PSD3: variants seen among roughly 807,000 people sequenced by gnomAD.
PSD3 encodes the protein pleckstrin and Sec7 domain containing 3, also known as PH and SEC7 domain-containing protein 3.
Under a neutral mutation model 105.5 loss-of-function variants are expected in PSD3, and 49 were observed. The observed-to-expected ratio is 0.46, with a 90% confidence interval of 0.37 to 0.59. The LOEUF (loss-of-function observed/expected upper bound fraction) is 0.59. Among genes scored for constraint, PSD3 ranks in the 20% least tolerant of loss-of-function variants. The pLI is 0.00. For missense variants in PSD3, 1,561 were observed against 1,263.8 expected (o/e 1.24, Z -3.57); for synonymous variants, 557 against 457.8 (o/e 1.22, Z -2.77).
chr8:18,880,818 C>A (rs1376847810), intron 2 of PSD3, among the ~76,000 whole-genome samples: 1 of 152,146 alleles, frequency 6.6e-6, no homozygotes, highest in South Asian at 2.1e-4. Flanking sequence ...GTATGTGTGA[C>A]AAAGGGACTC....
intron 8 of PSD3, among the ~76,000 whole-genome samples, chr8:18,798,403 T>C (rs1029282030): frequency 1.3e-5 from 2 of 152,148 alleles, no homozygotes; most frequent in Non-Finnish European, 2.9e-5. Flanking sequence ...CCTTTCTCCC[T>C]GAACCCCTTC....
At chr8:18,755,476 A>G (rs924783563) in intron 9 of PSD3, among the ~76,000 whole-genome samples, 1 of 151,634 alleles carries the variant, frequency 6.6e-6, no homozygotes, top group African/African-American at 2.4e-5. Context: ...ACATAACATA[A>G]CATAACATAA....
intron 2 of PSD3, among the ~76,000 whole-genome samples, chr8:18,927,237 A>T (rs1012079549): frequency 1.4e-4 from 22 of 152,228 alleles, no homozygotes; most frequent in African/African-American, 5.3e-4. Flanking sequence ...TTTCTGAGAC[A>T]GAGTGTCACT....
At chr8:18,768,185 C>T (rs1169808973) in intron 8 of PSD3, among the ~76,000 whole-genome samples, 3 of 149,900 alleles carry the variant, frequency 2.0e-5, no homozygotes, top group African/African-American at 7.3e-5. Context: ...ACTCAGGGGG[C>T]TGAGGCAGAA....
At chr8:18,574,246 C>T (rs1456836776) in intron 13 of PSD3, among the ~76,000 whole-genome samples, 1 of 152,170 alleles carries the variant, frequency 6.6e-6, no homozygotes, top group African/African-American at 2.4e-5. Flanking sequence ...TAAATGTCAG[C>T]TCCTCACGGC....
At chr8:18,967,164 T>A (rs7829086) in intron 1 of PSD3, among the ~76,000 whole-genome samples, 30,300 of 150,540 alleles carry the variant, frequency 0.2, 3,592 homozygotes, top group Non-Finnish European at 0.27. Flanking sequence ...TTATTTATTT[T>A]TTTTTTTTGA....
chr8:18,575,329 G>T, intron 12 of PSD3, 44 bp from the exon 13 acceptor site: 1 of 1,468,870 alleles, frequency 6.8e-7, no homozygotes, highest in Non-Finnish European at 9.1e-7. Context: ...ATCACGATCA[G>T]ATTTCAACTT....
rs575148207 is a variant in PSD3 at position 18,630,751 on chromosome 8, C to T, written c.2410+1862G>A. ...GTTCTGCAACTGTGTATTCAACCAA[C>T]GGTGGATGGAAAATATTCCCTCTAA... On this transcript the variant is annotated intron_variant, in intron 11 of 15. Coordinates refer to ENST00000327040, the MANE Select transcript of PSD3 (RefSeq NM_015310.4). Among the ~76,000 whole-genome samples, 25 of 151,816 alleles carry T rather than the reference C, an allele frequency of 1.6e-4. No homozygotes were observed. In the South Asian group the frequency reaches 4.4e-3, roughly 26 times the overall value.
intron 8 of PSD3, among the ~76,000 whole-genome samples, chr8:18,769,385 AAT>A (rs1323648160): frequency 6.6e-6 from 1 of 152,202 alleles, no homozygotes; most frequent in South Asian, 2.1e-4. Context: ...AGTACACTAA[AAT>A]ATGAGTATAA....
At chr8:18,980,172 A>G (rs1402442528) in intron 1 of PSD3, among the ~76,000 whole-genome samples, 1 of 152,244 alleles carries the variant, frequency 6.6e-6, no homozygotes, top group East Asian at 1.9e-4. Context: ...GGCACGAGGT[A>G]TGTGAGTGAG....
At chr8:18,949,559 C>A (rs1246933408) in intron 1 of PSD3, among the ~76,000 whole-genome samples, 1 of 152,064 alleles carries the variant, frequency 6.6e-6, no homozygotes, top group East Asian at 1.9e-4. Flanking sequence ...TATCTCCAAG[C>A]AAATGATCAT....
rs557274297 is a variant in PSD3, at chr8:18,595,123, T to C, written c.2481+5241A>G. ...CAAAAGGATATAATTTGTGACGGAG[T>C]AAAAGTATAGTTTTGGCATATGACC... On this transcript the variant is annotated intron_variant, in intron 12 of 15. Coordinates refer to ENST00000327040, the MANE Select transcript of PSD3 (RefSeq NM_015310.4). 5.2e-4 allele frequency among the ~76,000 whole-genome samples: 79 copies of C among 151,646 alleles called. 1 individual carries two copies. The highest frequency in any genetic ancestry group is 9.1e-4 in the Non-Finnish European group (62 of 67,882).
At chr8:18,981,329 T>C (rs1005771775) in intron 1 of PSD3, among the ~76,000 whole-genome samples, 7 of 152,212 alleles carry the variant, frequency 4.6e-5, no homozygotes, top group African/African-American at 1.7e-4. Flanking sequence ...CACTCATTAT[T>C]GAAGCAGAAA....
chr8:18,996,642 G>A (rs1826092358), intron 1 of PSD3, among the ~76,000 whole-genome samples: 1 of 151,790 alleles, frequency 6.6e-6, no homozygotes, highest in South Asian at 2.1e-4. Context: ...TTTCCCATTG[G>A]TATTCGAACA....
intron 9 of PSD3, among the ~76,000 whole-genome samples, chr8:18,757,856 T>A (rs546147580): frequency 3.3e-5 from 5 of 152,232 alleles, no homozygotes; most frequent in Admixed American, 3.3e-4. Context: ...TATATAGTTA[T>A]TTCTGAACTG....
At chr8:18,719,591 G>A (rs892861720) in intron 9 of PSD3, among the ~76,000 whole-genome samples, 6 of 152,022 alleles carry the variant, frequency 3.9e-5, no homozygotes, top group Non-Finnish European at 5.9e-5. Flanking sequence ...TCATTTACTC[G>A]TTTAGCTGAG....
chr8:18,830,264 T>C (rs1451065057), intron 4 of PSD3, among the ~76,000 whole-genome samples: 4 of 152,184 alleles, frequency 2.6e-5, no homozygotes, highest in Admixed American at 2.0e-4. Flanking sequence ...CTGAATGAAA[T>C]AGGCTCCAGA....
At chr8:18,665,794 T>C (rs993677061) in intron 9 of PSD3, among the ~76,000 whole-genome samples, 7 of 152,214 alleles carry the variant, frequency 4.6e-5, no homozygotes, top group African/African-American at 1.4e-4. Flanking sequence ...AAGGCTGCAG[T>C]GAGCTGTGAT....
intron 10 of PSD3, among the ~76,000 whole-genome samples, chr8:18,653,762 C>T (rs1250005729): frequency 1.3e-5 from 2 of 149,766 alleles, no homozygotes; most frequent in African/African-American, 2.5e-5. Context: ...TCTGCTGTAA[C>T]AAATTAAAAA....
Sources: allele counts gnomAD v4.1 joint callset (sites outside exome capture counted in the v4.1 genomes callset), GRCh38; gene constraint gnomAD v4.1.1; transcripts MANE v1.5; gene names NCBI Gene and HGNC (gene_info 2026-07-23, HGNC 2026-07-21).